ZBED1: variants seen among roughly 807,000 people sequenced by gnomAD.
ZBED1 encodes the protein zinc finger BED-type containing 1.
In ZBED1, 19 loss-of-function variants were observed where a neutral mutation model predicts 49.7. The ratio of observed to expected loss-of-function variants is 0.38; its 90% confidence interval spans 0.27 to 0.56. ZBED1 has a LOEUF of 0.56. Ranked by LOEUF, ZBED1 falls within the 20% of genes least tolerant of loss-of-function variation. ZBED1 has a pLI of 0.70. For missense variants in ZBED1, 806 were observed against 972.6 expected, an observed-to-expected ratio of 0.83 and a Z score of 2.28; for synonymous variants, 439 against 440.3, an observed-to-expected ratio of 1.00 and a Z score of 0.04.
At chrX:2,493,315 CCAT>C (rs770537301) in intron 1 of ZBED1, among the ~76,000 whole-genome samples, 79 of 152,112 alleles carry the variant, frequency 5.2e-4, no homozygotes, top group South Asian at 3.9e-3. Flanking sequence ...ATCAGATCCT[CCAT>C]CATCATCATC....
In ZBED1 at chrX:2,488,332, T is replaced by G. The variant is rs4892841; in HGVS notation, c.*303A>C. 0.21 allele frequency: 75,233 copies of G among 352,186 alleles called. 10,643 individuals are homozygous for G. Among genetic ancestry groups the G allele is most frequent in the East Asian group, 0.66 (12,868 of 19,602 alleles). 21.8% of individuals were successfully genotyped at this position (352,186 alleles called of 1,614,324 possible). The stretch of plus-strand genomic sequence containing the variant: ...TGGGATTACAGGCACATGCCATCAG[T>G]CCTGGCTAATTTTTGTATTTTTAGT... On this transcript the variant is annotated 3_prime_UTR_variant, in exon 2 of 2. Transcript: ENST00000652001.
At chrX:2,492,390 G>A (rs2045174907) in intron 1 of ZBED1, among the ~76,000 whole-genome samples, 1 of 152,010 alleles carries the variant, frequency 6.6e-6, no homozygotes, top group Non-Finnish European at 1.5e-5. Flanking sequence ...GGAGCCCCCA[G>A]GAGCTGGGAG....
chrX:2,495,322 G>A (rs960315816), intron 1 of ZBED1, among the ~76,000 whole-genome samples: 3 of 151,360 alleles, frequency 2.0e-5, no homozygotes, highest in East Asian at 1.9e-4. Context: ...GCTGAAAGAC[G>A]CCCCAGTACC....
At chrX:2,495,926 A>T (rs1747734406) in intron 1 of ZBED1, among the ~76,000 whole-genome samples, 1 of 152,178 alleles carries the variant, frequency 6.6e-6, no homozygotes, top group South Asian at 2.1e-4. Flanking sequence ...GAAGAAGCAG[A>T]GGAAGGAGCC....
At chrX:2,495,993 C>T (rs886704291) in intron 1 of ZBED1, among the ~76,000 whole-genome samples, 17 of 152,132 alleles carry the variant, frequency 1.1e-4, no homozygotes, top group African/African-American at 4.1e-4. Context: ...CTCAGCCACT[C>T]TTCTCCCTAG....
At position 2,498,262 on chromosome X, in the gene ZBED1, T is replaced by C. The variant is rs909005657; in HGVS notation, c.-54+2555A>G. Among the ~76,000 whole-genome samples the C allele has an allele frequency of 3.3e-5, 5 of 152,164 alleles. No homozygotes were observed. The South Asian group carries it at 1.0e-3, about 32-fold the overall frequency. On this transcript the variant is annotated intron_variant, in intron 1 of 1. Coordinates refer to ENST00000652001, the MANE Select transcript of ZBED1 (RefSeq NM_001171136.2). Reference sequence around the variant, plus strand: ...AAGAAAAAACTGCCCTTGCTTCCAATCTGCAGTGGGGAAATTGGCCCTCTT... The same window carrying C: ...AAGAAAAAACTGCCCTTGCTTCCAACCTGCAGTGGGGAAATTGGCCCTCTT...
At position 2,489,404 on chromosome X, in the gene ZBED1, G is replaced by T. The variant is rs1439172810; in HGVS notation, c.1316C>A (p.Thr439Asn). The change falls in exon 2 of 2, where the codon ACC becomes AAC. Residue 439 changes from threonine to asparagine, a missense_variant. Physicochemically the swap from Thr to Asn is moderately conservative, Grantham distance 65 (BLOSUM62 0). Transcript: ENST00000652001. ...GGCCATGCTGAGCTCCTTGGAGTCG[G>T]TCTCCTTGATGTTGAGCGTGGTGTT... is the stretch of plus-strand genomic sequence containing the variant. ...LLNTTLNIKE[T>N]DSKELSMAKE... The T allele has an allele frequency of 1.2e-6, 2 of 1,613,956 alleles. No individual in the cohort carries two copies. The highest frequency in any genetic ancestry group is 2.7e-5 in the African/African-American group (2 of 75,044).
rs1034079900 is a variant in ZBED1, at chrX:2,488,120, G to C, written c.*515C>G. On this transcript the variant is annotated 3_prime_UTR_variant, in exon 2 of 2. Coordinates refer to ENST00000652001, the MANE Select transcript of ZBED1 (RefSeq NM_001171136.2). The stretch of plus-strand genomic sequence containing the variant: ...CAGAAGCGTTGGCAGTTCCCAAGCA[G>C]AAGTCGTCCGGGCCCCGGGAATAGG... 1 of 152,968 alleles carries C rather than the reference G, an allele frequency of 6.5e-6. No homozygotes were observed. The highest frequency in any genetic ancestry group is 2.4e-5 in the African/African-American group (1 of 41,396). 9.5% of individuals were successfully genotyped at this position (152,968 alleles called of 1,614,324 possible).
intron 1 of ZBED1, among the ~76,000 whole-genome samples, chrX:2,499,842 C>T (rs192878688): frequency 1.3e-5 from 2 of 151,984 alleles, no homozygotes; most frequent in Admixed American, 6.6e-5. Flanking sequence ...CCCAGGAGTT[C>T]GAGACCAGCC....
At position 2,499,691 on chromosome X, in the gene ZBED1, C is replaced by G. The variant is rs893602011; in HGVS notation, c.-54+1126G>C. 1.4e-4 allele frequency among the ~76,000 whole-genome samples: 22 copies of G among 152,152 alleles called. No individual in the cohort carries two copies. In the Middle Eastern group the frequency reaches 0.014, roughly 95 times the overall value. On this transcript the variant is annotated intron_variant, in intron 1 of 1. Transcript: ENST00000652001. ...GGGGACCCAGGTAGGAGGATTGCTT[C>G]GGCCCATGAGTTTCAGACCAGCCTG...
rs918461572 is a variant in ZBED1 at position 2,489,113 on chromosome X, G to C, written c.1607C>G (p.Ser536Cys). 1 of 1,613,502 alleles carries C rather than the reference G, an allele frequency of 6.2e-7. No individual in the cohort carries two copies. The highest frequency in any genetic ancestry group is 1.3e-5 in the African/African-American group (1 of 74,928). Residue 536 changes from serine (S) to cysteine (C), a missense_variant, in exon 2 of 2, where the codon TCC becomes TGC. By Grantham distance (112) the Ser-to-Cys change is moderately radical (BLOSUM62 -1). Coordinates refer to ENST00000652001, the MANE Select transcript of ZBED1 (RefSeq NM_001171136.2). The part of the protein sequence containing the change: ...EPPVKKLMRT[S>C]TPPPASVINN... ...GATGACGCTGGCGGGCGGCGGCGTGGATGTCCGCATGAGCTTCTTGACGGG... is the reference window on the plus strand; with the variant it reads ...GATGACGCTGGCGGGCGGCGGCGTGCATGTCCGCATGAGCTTCTTGACGGG...
chrX:2,490,231 G>A lies in ZBED1; in HGVS notation c.489C>T (p.Pro163=), dbSNP rs2045096744. 1 of 1,613,986 alleles carries A rather than the reference G, an allele frequency of 6.2e-7. No homozygotes were observed. The highest frequency in any genetic ancestry group is 8.5e-7 in the Non-Finnish European group (1 of 1,179,880). Reference sequence around the variant, plus strand: ...CCTTGGTAGAGATGTACTTCCGGCTGGGCAGCTCATACCGGGGGTCGGCCG... The same window carrying A: ...CCTTGGTAGAGATGTACTTCCGGCTAGGCAGCTCATACCGGGGGTCGGCCG... ...LKTADPRYEL[P]SRKYISTKAI... Residue 163 remains proline (P), a synonymous_variant, in exon 2 of 2, where the codon CCC becomes CCT. Coordinates refer to ENST00000652001, the MANE Select transcript of ZBED1 (RefSeq NM_001171136.2).
intron 1 of ZBED1, among the ~76,000 whole-genome samples, chrX:2,491,479 T>A (rs771308326): frequency 6.6e-6 from 1 of 152,092 alleles, no homozygotes; most frequent in Non-Finnish European, 1.5e-5. Flanking sequence ...GAAGCCTACA[T>A]AGAAGAATCC....
Position 2,489,909 on chromosome X carries a change from A to T in ZBED1, c.811T>A (p.Tyr271Asn). The change falls in exon 2 of 2, where the codon TAT becomes AAT. Residue 271 changes from tyrosine to asparagine, a missense_variant. Coordinates refer to ENST00000652001, the MANE Select transcript of ZBED1 (RefSeq NM_001171136.2). ...SAKVFGATTN[Y>N]GKDIVKACSL... The stretch of plus-strand genomic sequence containing the variant: ...CACGCCTTCACGATGTCCTTGCCAT[A>T]GTTGGTGGTGGCCCCGAAGACCTTG... The T allele has an allele frequency of 4.3e-6, 7 of 1,613,852 alleles. No homozygotes were observed. Among genetic ancestry groups the T allele is most frequent in the Non-Finnish European group, 5.9e-6 (7 of 1,179,864 alleles).
At position 2,490,033 on chromosome X, in the gene ZBED1, G is replaced by A; in HGVS notation, c.687C>T (p.Gly229=). The part of the protein sequence containing the change: ...GLGAPNCLSM[G]SRCLKTFEVP... ...CCTCGAAGGTCTTCAGGCAGCGGGAGCCCATGGACAGGCAGTTGGGGGCGC... is the reference window on the plus strand; with the variant it reads ...CCTCGAAGGTCTTCAGGCAGCGGGAACCCATGGACAGGCAGTTGGGGGCGC... The change falls in exon 2 of 2, where the codon GGC becomes GGT. Residue 229 remains glycine, a synonymous_variant. Transcript: ENST00000652001. 6.2e-7 allele frequency: 1 copy of A among 1,613,844 alleles called. No individual in the cohort carries two copies. Among genetic ancestry groups the A allele is most frequent in the Admixed American group, 1.7e-5 (1 of 60,024 alleles).
chrX:2,490,653 T>C lies in ZBED1; in HGVS notation c.67A>G (p.Ser23Gly), dbSNP rs1223521112. Residue 23 changes from serine to glycine, a missense_variant, in exon 2 of 2, where the codon AGC becomes GGC. Physicochemically the swap from Ser to Gly is moderately conservative, Grantham distance 56 (BLOSUM62 0). This residue lies in a region of ZBED1 where 57 missense variants were observed against 111.3 expected (regional missense o/e 0.51). Transcript: ENST00000652001. ...LKLVAHPRAK[S>G]KVWKYFGFDT... Reference sequence around the variant, plus strand: ...AAGCCGAAATACTTCCACACCTTGCTCTTGGCGCGGGGGTGGGCCACCAGC... The same window carrying C: ...AAGCCGAAATACTTCCACACCTTGCCCTTGGCGCGGGGGTGGGCCACCAGC... 6.2e-7 allele frequency: 1 copy of C among 1,613,934 alleles called. No homozygotes were observed. Among genetic ancestry groups the C allele is most frequent in the Non-Finnish European group, 8.5e-7 (1 of 1,179,862 alleles).
At position 2,488,515 on chromosome X, in the gene ZBED1, A is replaced by T; in HGVS notation, c.*120T>A. The T allele has an allele frequency of 1.6e-6, 2 of 1,264,914 alleles. No individual in the cohort carries two copies. Among genetic ancestry groups the T allele is most frequent in the Non-Finnish European group, 2.1e-6 (2 of 931,760 alleles). The allele number at this position is 1,264,914 out of a possible 1,614,324, so 78.4% of individuals were successfully genotyped here. On this transcript the variant is annotated 3_prime_UTR_variant, in exon 2 of 2. Transcript: ENST00000652001. Reference sequence around the variant, plus strand: ...AATCTCTTTCCTTTTTCCACCTTCTAGGTGTCAAAGACAGTGGATGGTCTC... The same window carrying T: ...AATCTCTTTCCTTTTTCCACCTTCTTGGTGTCAAAGACAGTGGATGGTCTC...
rs1315266439 is a variant in ZBED1, at chrX:2,500,909, G to T, written c.-146C>A. 9.0e-7 allele frequency: 1 copy of T among 1,112,560 alleles called. No homozygotes were observed. The highest frequency in any genetic ancestry group is 3.5e-5 in the South Asian group (1 of 28,374). 68.9% of individuals were successfully genotyped at this position (1,112,560 alleles called of 1,614,324 possible). ...GTAGACCCGCAGGGCCGCCCGCGCC[G>T]CAGACAATGGCGACATGGCTGCCCC... On this transcript the variant is annotated 5_prime_UTR_variant, in exon 1 of 2. Transcript: ENST00000652001.
At chrX:2,494,241 G>A (rs1472677412) in intron 1 of ZBED1, among the ~76,000 whole-genome samples, 1 of 151,656 alleles carries the variant, frequency 6.6e-6, no homozygotes, top group African/African-American at 2.4e-5. Flanking sequence ...ACAGGTCCTG[G>A]TACCTGTAGC....
Sources: allele counts gnomAD v4.1 joint callset (sites outside exome capture counted in the v4.1 genomes callset), GRCh38; gene constraint gnomAD v4.1.1; regional missense constraint gnomAD v4.1.1; transcripts MANE v1.5; gene names NCBI Gene and HGNC (gene_info 2026-07-23, HGNC 2026-07-21).